Variants in ELFN2 observed in about 807,000 individuals in gnomAD.
The protein encoded by ELFN2 is protein phosphatase 1 regulatory subunit 29.
ELFN2 carries 17 observed loss-of-function variants against 45.5 expected under a neutral mutation model. The ratio of observed to expected loss-of-function variants is 0.37; its 90% CI spans 0.26 to 0.56. The LOEUF (loss-of-function observed/expected upper bound fraction) is 0.56. Ranked by LOEUF, ELFN2 falls within the 20% of genes least tolerant of loss-of-function variation. The pLI, the probability that ELFN2 is intolerant of heterozygous loss-of-function variation, is 0.77. For synonymous variants in ELFN2, 550 were observed against 551.5 expected (o/e 1.00, Z 0.04); for missense variants, 922 against 1,183.2 (o/e 0.78, Z 3.24).
At chr22:37,422,294 A>G (rs924801226) in intron 1 of ELFN2, among the ~76,000 whole-genome samples, 1 of 152,140 alleles carries the variant, frequency 6.6e-6, no homozygotes, top group Non-Finnish European at 1.5e-5. Context: ...GGCATCTCGC[A>G]TGCCAGACAG....
chr22:37,403,336 G>A (rs956651359), intron 2 of ELFN2, among the ~76,000 whole-genome samples: 10 of 152,092 alleles, frequency 6.6e-5, no homozygotes, highest in Non-Finnish European at 8.8e-5. Context: ...CCCAATTTAG[G>A]AGGAGTCCCC....
At chr22:37,358,609 C>T (rs1374895661) in intron 1 of ELFN2, among the ~76,000 whole-genome samples, 2 of 152,226 alleles carry the variant, frequency 1.3e-5, no homozygotes, top group African/African-American at 4.8e-5. Context: ...GGTCCCGTGG[C>T]CATTCCTAAG....
At chr22:37,380,249 TG>T (rs1384956522) in intron 2 of ELFN2, among the ~76,000 whole-genome samples, 4 of 152,140 alleles carry the variant, frequency 2.6e-5, no homozygotes, top group African/African-American at 9.7e-5. Flanking sequence ...CGAGGCCAGC[TG>T]GGGACGCAGG....
intron 1 of ELFN2, among the ~76,000 whole-genome samples, chr22:37,358,264 G>C (rs985030047): frequency 8.5e-5 from 13 of 152,152 alleles, no homozygotes; most frequent in African/African-American, 3.1e-4. Flanking sequence ...ATCCCCCCCA[G>C]TCTCCAGGAA....
At chr22:37,395,894 G>A (rs938791597) in intron 2 of ELFN2, among the ~76,000 whole-genome samples, 18 of 152,178 alleles carry the variant, frequency 1.2e-4, no homozygotes, top group Non-Finnish European at 4.4e-5. Context: ...CCTGTCTGCT[G>A]TCAGCACAAG....
At chr22:37,342,250 T>C (rs1023297940) in intron 2 of ELFN2, among the ~76,000 whole-genome samples, 13 of 152,036 alleles carry the variant, frequency 8.6e-5, no homozygotes, top group Non-Finnish European at 1.5e-4. Context: ...CTTCCATGGC[T>C]CCCTATTGTC....
chr22:37,407,541 T>C (rs1932535523), intron 2 of ELFN2, among the ~76,000 whole-genome samples: 2 of 151,992 alleles, frequency 1.3e-5, no homozygotes, highest in African/African-American at 4.8e-5. Context: ...AGTCCACCCA[T>C]AGGATGTGGA....
At position 37,394,228 on chromosome 22, in the gene ELFN2, C is replaced by T. The variant is rs116029911; in HGVS notation, c.-462-18232G>A. 4.4e-3 allele frequency among the ~76,000 whole-genome samples: 676 copies of T among 152,356 alleles called. 6 individuals carry two copies. The highest frequency in any genetic ancestry group is 0.016 in the African/African-American group (664 of 41,580). ...CACCTCGACACCTCTCCAGGCCACA[C>T]ACCTGTGTGTCTGCTGCCGCCCCTC... On this transcript the variant is annotated intron_variant, in intron 2 of 2. Transcript: ENST00000402918.
intron 2 of ELFN2, among the ~76,000 whole-genome samples, chr22:37,393,343 A>ACCTGGG (rs1193136158): frequency 6.6e-5 from 10 of 152,144 alleles, no homozygotes; most frequent in South Asian, 2.1e-4. Flanking sequence ...CTCCACTCGC[A>ACCTGGG]CCTGGGCCTG....
intron 2 of ELFN2, among the ~76,000 whole-genome samples, chr22:37,342,125 C>T (rs896474725): frequency 6.6e-6 from 1 of 152,208 alleles, no homozygotes; most frequent in Non-Finnish European, 1.5e-5. Flanking sequence ...CCCCAAAGAC[C>T]GGATGAGGAC....
At chr22:37,356,820 G>A (rs1000010647) in intron 1 of ELFN2, among the ~76,000 whole-genome samples, 1 of 152,234 alleles carries the variant, frequency 6.6e-6, no homozygotes, top group African/African-American at 2.4e-5. Context: ...GTGAACCACA[G>A]CACTACACTG....
At position 37,374,026 on chromosome 22, in the gene ELFN2, G is replaced by A. The variant is rs8142615; in HGVS notation, c.1509C>T (p.Ile503=). The change falls in exon 3 of 3, where the codon ATC becomes ATT. Residue 503 remains isoleucine, a synonymous_variant. Coordinates refer to ENST00000402918, the MANE Select transcript of ELFN2 (RefSeq NM_052906.5). The part of the protein sequence containing the change: ...TPKVATKGNY[I]EVRTGAGGDG... Reference sequence around the variant, plus strand: ...CCCCGCCGGCGCCTGTGCGCACCTCGATATAGTTGCCTTTGGTGGCTACCT... The same window carrying A: ...CCCCGCCGGCGCCTGTGCGCACCTCAATATAGTTGCCTTTGGTGGCTACCT... 2.4e-5 allele frequency: 38 copies of A among 1,612,858 alleles called. 1 individual carries two copies. The East Asian group carries it at 3.6e-4, about 15-fold the overall frequency.
At chr22:37,344,207 ATGCCC>A (rs1930639184) in intron 1 of ELFN2, among the ~76,000 whole-genome samples, 2 of 53,532 alleles carry the variant, frequency 3.7e-5, no homozygotes, top group Non-Finnish European at 7.2e-5. Flanking sequence ...ACACCTGCCC[ATGCCC>A]CCTGCCCACA....
chr22:37,405,848 T>C (rs1033634960), intron 2 of ELFN2, among the ~76,000 whole-genome samples: 2 of 129,852 alleles, frequency 1.5e-5, no homozygotes, highest in African/African-American at 3.2e-5. Flanking sequence ...GGAGGGGGGG[T>C]GGTCCTGGGC....
intron 2 of ELFN2, among the ~76,000 whole-genome samples, chr22:37,396,408 A>T (rs908560909): frequency 2.0e-5 from 3 of 152,068 alleles, no homozygotes; most frequent in Non-Finnish European, 4.4e-5. Flanking sequence ...GCAGAAGCCA[A>T]CTCTGTTAGC....
At chr22:37,341,667 T>C (rs1357684135) in intron 2 of ELFN2, among the ~76,000 whole-genome samples, 3 of 152,196 alleles carry the variant, frequency 2.0e-5, no homozygotes, top group Non-Finnish European at 4.4e-5. Flanking sequence ...GAGGACTCAT[T>C]CTAGAGTCCA....
Position 37,374,904 on chromosome 22 carries a change from C to A in ELFN2, c.631G>T (p.Asp211Tyr). ...VVFNNVTKNY[D>Y]RLQCESPREF... ...CGCGGCGACTCACACTGCAGGCGGT[C>A]GTAGTTCTTGGTGACGTTGTTGAAG... Residue 211 changes from aspartate (D) to tyrosine (Y), a missense_variant, in exon 3 of 3, where the codon GAC (aspartate) becomes TAC (tyrosine). Physicochemically the swap from Asp to Tyr is radical, Grantham distance 160 (BLOSUM62 -3). Around this residue, in one of 2 missense-constraint regions of ELFN2, gnomAD observed 358 missense variants for 540.4 expected, o/e 0.66. Transcript: ENST00000402918. The A allele has an allele frequency of 6.2e-7, 1 of 1,611,978 alleles. No homozygotes were observed. The highest frequency in any genetic ancestry group is 1.1e-5 in the South Asian group (1 of 91,072).
chr22:37,378,349 A>G (rs9610722), intron 2 of ELFN2, among the ~76,000 whole-genome samples: 1 of 152,148 alleles, frequency 6.6e-6, no homozygotes, highest in Admixed American at 6.5e-5. Context: ...TCCAGCCCCT[A>G]TCCTCACATC....
intron 2 of ELFN2, among the ~76,000 whole-genome samples, chr22:37,399,056 G>A (rs1028707270): frequency 1.3e-5 from 2 of 151,984 alleles, no homozygotes; most frequent in Admixed American, 6.6e-5. Flanking sequence ...GGGAGCTCAG[G>A]GGCCTCTGGT....
Sources: allele counts gnomAD v4.1 joint callset (sites outside exome capture counted in the v4.1 genomes callset), GRCh38; gene constraint gnomAD v4.1.1; regional missense constraint gnomAD v4.1.1; transcripts MANE v1.5; gene names NCBI Gene and HGNC (gene_info 2026-07-23, HGNC 2026-07-21).